IGF2BP1: variants seen among roughly 807,000 people sequenced by gnomAD.
The protein encoded by IGF2BP1 is insulin-like growth factor 2 mRNA-binding protein 1.
IGF2BP1 carries 11 observed loss-of-function variants against 74.9 expected under a neutral mutation model. The ratio of observed to expected loss-of-function variants is 0.15; its 90% confidence interval spans 0.09 to 0.24. IGF2BP1 has a LOEUF of 0.24. IGF2BP1 is among the 10% of genes least tolerant of loss of function. IGF2BP1 has a pLI of 1.00. For missense variants in IGF2BP1, 440 were observed against 757.4 expected (o/e 0.58, Z 4.92); for synonymous variants, 287 against 281.8 (o/e 1.02, Z -0.18).
intron 8 of IGF2BP1, 51 bp from the exon 9 acceptor site, chr17:49,042,191 G>A: frequency 6.2e-7 from 1 of 1,612,508 alleles, no homozygotes; most frequent in East Asian, 2.2e-5. Flanking sequence ...TACTGCCGGG[G>A]CCTGGTCCTG....
At chr17:49,040,696 C>T (rs1275212907) in intron 7 of IGF2BP1, among the ~76,000 whole-genome samples, 2 of 152,208 alleles carry the variant, frequency 1.3e-5, no homozygotes, top group South Asian at 2.1e-4. Context: ...ATACTTTTTT[C>T]ATTTTCTGTA....
rs986136829 is a variant in IGF2BP1, at chr17:49,008,113, A to G, written c.236+8944A>G. Among the ~76,000 whole-genome samples, 42 of 151,876 alleles carry G rather than the reference A, an allele frequency of 2.8e-4. 1 individual carries two copies. Among genetic ancestry groups the G allele is most frequent in the Non-Finnish European group, 4.3e-4 (29 of 67,982 alleles). On this transcript the variant is annotated intron_variant, in intron 2 of 14. Coordinates refer to ENST00000290341, the MANE Select transcript of IGF2BP1 (RefSeq NM_006546.4). ...CTTGAACCCAGGAGGCAGAGGTTAC[A>G]GTGAGCAGAGATTGTGCCATTGCAG...
At chr17:49,002,209 C>T (rs1461973155) in intron 2 of IGF2BP1, among the ~76,000 whole-genome samples, 2 of 151,948 alleles carry the variant, frequency 1.3e-5, no homozygotes, top group Non-Finnish European at 2.9e-5. Flanking sequence ...TTTTATAAAT[C>T]GTTCATAAAA....
intron 5 of IGF2BP1, 72 bp from the exon 6 acceptor site, chr17:49,038,096 C>T: frequency 7.5e-7 from 1 of 1,328,466 alleles, no homozygotes; most frequent in Non-Finnish European, 9.8e-7. Flanking sequence ...TACTAGAGTG[C>T]TTTGGCCAAG....
chr17:49,045,000 C>T lies in IGF2BP1; in HGVS notation c.1330C>T (p.Pro444Ser). The T allele has an allele frequency of 6.2e-7, 1 of 1,614,120 alleles. No homozygotes were observed. The highest frequency in any genetic ancestry group is 8.5e-7 in the Non-Finnish European group (1 of 1,179,974). Residue 444 changes from proline (P) to serine (S), a missense_variant, in exon 12 of 15, where the codon CCC becomes TCC. Pro to Ser is a moderately conservative substitution (Grantham distance 74, BLOSUM62 -1). Coordinates refer to ENST00000290341, the MANE Select transcript of IGF2BP1 (RefSeq NM_006546.4). ...FASASIKIAP[P>S]ETPDSKVRMV... is the part of the protein sequence containing the mutation. ...GCTTTTTGCTTTTTAGATTGCACCA[C>T]CCGAAACACCTGACTCCAAAGTTCG...
At chr17:49,046,083 C>T in intron 13 of IGF2BP1, 62 bp downstream of exon 13, 2 of 1,587,700 alleles carry the variant, frequency 1.3e-6, no homozygotes, top group Non-Finnish European at 1.7e-6. Context: ...GCAGCTCTCT[C>T]TGGTCTCCTG....
At chr17:49,014,524 G>A (rs78259596) in intron 2 of IGF2BP1, among the ~76,000 whole-genome samples, 4,606 of 151,996 alleles carry the variant, frequency 0.03, 89 homozygotes, top group African/African-American at 0.043. Context: ...CGGAGCCCTG[G>A]GGAGGAAGAC....
Position 49,031,900 on chromosome 17 carries a change from T to C in IGF2BP1, c.338-10T>C, listed in dbSNP as rs760477769. ...CCCTGCTCTGAGGTTATCCTCTCTT[T>C]TCTCTGCAGTGAACACCGAGAGTGA... On this transcript the variant is annotated splice_polypyrimidine_tract_variant and intron_variant, in intron 4 of 14. Transcript: ENST00000290341. The C allele has an allele frequency of 6.2e-7, 1 of 1,613,076 alleles. No individual in the cohort carries two copies. The highest frequency in any genetic ancestry group is 8.5e-7 in the Non-Finnish European group (1 of 1,179,418).
chr17:49,037,114 G>T, intron 5 of IGF2BP1: 1 of 374,564 alleles, frequency 2.7e-6, no homozygotes, highest in South Asian at 2.7e-5. Flanking sequence ...AAAAACAATG[G>T]GAAGACGCTG....
Position 49,054,703 on chromosome 17 carries a change from G to C in IGF2BP1, c.*5259G>C, listed in dbSNP as rs1399032823. ...TGGAGTGAGACCTGGGGCTTGGCCT[G>C]GAACCCACCACACAGCCCCAAAGTC... is the stretch of plus-strand genomic sequence containing the variant. On this transcript the variant is annotated 3_prime_UTR_variant, in exon 15 of 15. Transcript: ENST00000290341. 1 of 152,450 alleles carries C rather than the reference G, an allele frequency of 6.6e-6. No individual in the cohort carries two copies. Among genetic ancestry groups the C allele is most frequent in the East Asian group, 1.9e-4 (1 of 5,194 alleles). The allele number at this position is 152,450 out of a possible 1,614,324, so 9.4% of individuals were successfully genotyped here.
At chr17:49,037,257 C>T (rs1006338550) in intron 5 of IGF2BP1, 6 of 445,284 alleles carry the variant, frequency 1.3e-5, no homozygotes, top group African/African-American at 4.2e-5. Flanking sequence ...CTCTGGAACC[C>T]TTACGGTAGG....
At chr17:49,032,050 T>C in intron 5 of IGF2BP1, 77 bp downstream of exon 5, 5 of 1,331,070 alleles carry the variant, frequency 3.8e-6, no homozygotes, top group Non-Finnish European at 4.3e-6. Flanking sequence ...GGTCCCACTT[T>C]TTCCTCAGGG....
chr17:48,998,362 G>A (rs1452877763), intron 1 of IGF2BP1, among the ~76,000 whole-genome samples: 3 of 152,234 alleles, frequency 2.0e-5, no homozygotes, highest in Non-Finnish European at 4.4e-5. Context: ...GGCGTGGAAG[G>A]GGTACCCGGA....
intron 2 of IGF2BP1, chr17:49,014,962 T>A (rs571991298): frequency 1.1e-5 from 11 of 984,034 alleles, no homozygotes; most frequent in Non-Finnish European, 1.3e-5. Flanking sequence ...TCAAGGTACC[T>A]CTCATGACGC....
intron 2 of IGF2BP1, among the ~76,000 whole-genome samples, chr17:49,023,436 C>A (rs1372276141): frequency 6.6e-6 from 1 of 150,864 alleles, no homozygotes; most frequent in Admixed American, 6.6e-5. Context: ...TCATAAAGAT[C>A]TTGCTGTACC....
intron 4 of IGF2BP1, among the ~76,000 whole-genome samples, chr17:49,031,210 C>T (rs1324223136): frequency 1.3e-5 from 2 of 152,156 alleles, no homozygotes; most frequent in African/African-American, 2.4e-5. Flanking sequence ...CAGGTTCAAG[C>T]GATCCTCCCA....
chr17:49,003,264 A>G (rs1567808379), intron 2 of IGF2BP1, among the ~76,000 whole-genome samples: 2 of 152,178 alleles, frequency 1.3e-5, no homozygotes, highest in African/African-American at 4.8e-5. Context: ...ATTTTAATCT[A>G]TGTGTGTGGG....
At chr17:48,999,286 C>T (rs1334320513) in intron 2 of IGF2BP1, 117 bp downstream of exon 2, 3 of 669,984 alleles carry the variant, frequency 4.5e-6, no homozygotes, top group Admixed American at 5.3e-5. Context: ...CTTTCCCACC[C>T]CCAACTCCGG....
intron 4 of IGF2BP1, among the ~76,000 whole-genome samples, chr17:49,028,938 C>G (rs758837882): frequency 2.0e-5 from 3 of 152,156 alleles, no homozygotes; most frequent in Non-Finnish European, 4.4e-5. Flanking sequence ...TCCCAAGTAG[C>G]TGGGATTACA....
Sources: allele counts gnomAD v4.1 joint callset (sites outside exome capture counted in the v4.1 genomes callset), GRCh38; gene constraint gnomAD v4.1.1; transcripts MANE v1.5; gene names NCBI Gene and HGNC (gene_info 2026-07-23, HGNC 2026-07-21).